RNF217: variants seen among roughly 807,000 people sequenced by gnomAD.
RNF217 encodes E3 ubiquitin-protein ligase RNF217.
RNF217 carries 31 observed loss-of-function variants against 57.8 expected under a neutral mutation model. The ratio of observed to expected loss-of-function variants is 0.54; its 90% CI spans 0.40 to 0.72. The LOEUF (loss-of-function observed/expected upper bound fraction) is 0.72. Ranked by LOEUF, RNF217 falls within the 30% of genes least tolerant of loss-of-function variation. The pLI is 0.00. For missense variants in RNF217, 696 were observed against 708.3 expected, an observed-to-expected ratio of 0.98 and a Z score of 0.20; for synonymous variants, 313 against 294.0, an observed-to-expected ratio of 1.06 and a Z score of -0.66.
intron 1 of RNF217, among the ~76,000 whole-genome samples, chr6:125,034,435 C>T (rs1367295184): frequency 6.6e-6 from 1 of 152,088 alleles, no homozygotes; most frequent in African/African-American, 2.4e-5. Context: ...TTTCCCAGCA[C>T]CATTTATTAA....
At chr6:125,019,617 T>A (rs1275582582) in intron 1 of RNF217, among the ~76,000 whole-genome samples, 1 of 152,174 alleles carries the variant, frequency 6.6e-6, no homozygotes, top group Admixed American at 6.5e-5. Flanking sequence ...ACTTGAATTA[T>A]AAACCTCTCC....
At chr6:124,987,044 T>C (rs570382362) in intron 1 of RNF217, among the ~76,000 whole-genome samples, 2 of 152,310 alleles carry the variant, frequency 1.3e-5, no homozygotes, top group Admixed American at 6.5e-5. Flanking sequence ...AATATAGATA[T>C]TAGTCTACTA....
chr6:124,977,252 A>G (rs1222611787), intron 1 of RNF217, among the ~76,000 whole-genome samples: 1 of 152,248 alleles, frequency 6.6e-6, no homozygotes, highest in African/African-American at 2.4e-5. Context: ...CAACCTTTGC[A>G]TACTTGACAG....
chr6:125,029,593 A>G (rs898533261), intron 1 of RNF217, among the ~76,000 whole-genome samples: 1 of 152,224 alleles, frequency 6.6e-6, no homozygotes, highest in Non-Finnish European at 1.5e-5. Flanking sequence ...TTAACATCTA[A>G]GAAGGCATTG....
chr6:125,059,112 A>C (rs986828835), intron 3 of RNF217, among the ~76,000 whole-genome samples: 1 of 152,192 alleles, frequency 6.6e-6, no homozygotes, highest in African/African-American at 2.4e-5. Flanking sequence ...TACTATACCA[A>C]ATTCACATAC....
chr6:125,077,494 G>A (rs1318323109), intron 4 of RNF217, among the ~76,000 whole-genome samples: 1 of 152,050 alleles, frequency 6.6e-6, no homozygotes, highest in Non-Finnish European at 1.5e-5. Flanking sequence ...ACAACACATA[G>A]TAGCCTCATA....
chr6:125,009,702 T>C (rs1333928816), intron 1 of RNF217, among the ~76,000 whole-genome samples: 2 of 152,150 alleles, frequency 1.3e-5, no homozygotes, highest in South Asian at 2.1e-4. Context: ...TAGACAGATA[T>C]CAAAGCTTTG....
intron 1 of RNF217, among the ~76,000 whole-genome samples, chr6:125,004,624 T>C (rs1225421435): frequency 2.0e-5 from 3 of 152,234 alleles, no homozygotes; most frequent in African/African-American, 7.2e-5. Flanking sequence ...ACAAGGCTTC[T>C]AGTGAAGTGC....
chr6:125,067,236 G>A (rs1003893770), intron 3 of RNF217, among the ~76,000 whole-genome samples: 2 of 152,200 alleles, frequency 1.3e-5, no homozygotes, highest in Admixed American at 1.3e-4. Flanking sequence ...GAGAGGTGGG[G>A]CTGGAGAAGC....
intron 2 of RNF217, among the ~76,000 whole-genome samples, chr6:125,051,731 A>C (rs1787325013): frequency 6.6e-6 from 1 of 152,014 alleles, no homozygotes; most frequent in Non-Finnish European, 1.5e-5. Context: ...TGTACACTTA[A>C]CACAGTGGAC....
intron 5 of RNF217, 162 bp from the exon 6 acceptor site, chr6:125,082,702 A>G: frequency 1.5e-6 from 2 of 1,308,752 alleles, no homozygotes; most frequent in African/African-American, 3.0e-5. Context: ...CTAAAGGGAA[A>G]TATTAAAGAA....
At chr6:124,984,632 TA>T (rs1784309192) in intron 1 of RNF217, among the ~76,000 whole-genome samples, 1 of 151,806 alleles carries the variant, frequency 6.6e-6, no homozygotes, top group Admixed American at 6.6e-5. Context: ...GCTTTCCATA[TA>T]AAAAATTAGG....
At chr6:124,992,250 G>A (rs911614940) in intron 1 of RNF217, among the ~76,000 whole-genome samples, 20 of 152,010 alleles carry the variant, frequency 1.3e-4, no homozygotes, top group African/African-American at 4.3e-4. Context: ...CATTTTTACC[G>A]CAAAGGTATG....
chr6:124,985,347 T>G (rs973319979), intron 1 of RNF217, among the ~76,000 whole-genome samples: 3 of 152,238 alleles, frequency 2.0e-5, no homozygotes, highest in Non-Finnish European at 4.4e-5. Flanking sequence ...ATTTATGGGT[T>G]ATATGAGATG....
chr6:124,968,669 C>T (rs1479567897), intron 1 of RNF217, among the ~76,000 whole-genome samples: 5 of 152,158 alleles, frequency 3.3e-5, no homozygotes, highest in East Asian at 1.9e-4. Flanking sequence ...TCTCAAATAA[C>T]ATTACAAGTA....
intron 5 of RNF217, 195 bp from the exon 6 acceptor site, chr6:125,082,669 G>A: frequency 6.6e-7 from 1 of 1,504,820 alleles, no homozygotes; most frequent in East Asian, 2.3e-5. Flanking sequence ...TGGTATCACT[G>A]AGGGTGCTAA....
chr6:125,079,501 T>C (rs1304490593), intron 4 of RNF217, among the ~76,000 whole-genome samples: 1 of 150,974 alleles, frequency 6.6e-6, no homozygotes, highest in South Asian at 2.1e-4. Flanking sequence ...CCAATACATA[T>C]GTTCAAAAAT....
chr6:125,088,544 C>T lies in RNF217; in HGVS notation c.*5607C>T, dbSNP rs1788841465. The T allele has an allele frequency of 6.6e-6, 1 of 152,088 alleles. No homozygotes were observed. Among genetic ancestry groups the T allele is most frequent in the Non-Finnish European group, 1.5e-5 (1 of 67,996 alleles). 9.4% of individuals were successfully genotyped at this position (152,088 alleles called of 1,614,324 possible). ...AGCTGAAGCTTTACCATATCACATA[C>T]CTTACAAAATCCCTATACATATTGC... On this transcript the variant is annotated 3_prime_UTR_variant, in exon 6 of 6. Transcript: ENST00000521654.
At chr6:124,978,751 C>T (rs1582662038) in intron 1 of RNF217, among the ~76,000 whole-genome samples, 1 of 152,174 alleles carries the variant, frequency 6.6e-6, no homozygotes, top group Admixed American at 6.5e-5. Context: ...TTTGTTCTCA[C>T]TGCCCACAGC....
Sources: allele counts gnomAD v4.1 joint callset (sites outside exome capture counted in the v4.1 genomes callset), GRCh38; gene constraint gnomAD v4.1.1; transcripts MANE v1.5; gene names NCBI Gene and HGNC (gene_info 2026-07-23, HGNC 2026-07-21).